Variants in PDE6C observed in about 807,000 individuals in gnomAD.
PDE6C encodes phosphodiesterase 6C, also known as cone cGMP-specific 3',5'-cyclic phosphodiesterase subunit alpha'.
A neutral mutation model predicts 113.1 loss-of-function variants in PDE6C; 75 were observed. That is an observed-to-expected ratio of 0.66 (90% confidence interval 0.55 to 0.80). The LOEUF (loss-of-function observed/expected upper bound fraction) is 0.80. Ranked by LOEUF, PDE6C falls within the 30% of genes least tolerant of loss-of-function variation. The probability of loss-of-function intolerance (pLI) is 0.00; values close to 1 mark genes in which losing one functional copy is unlikely to be tolerated. For synonymous variants in PDE6C, 375 were observed against 363.7 expected, an observed-to-expected ratio of 1.03 and a Z score of -0.35; for missense variants, 912 against 1,038.6, an observed-to-expected ratio of 0.88 and a Z score of 1.67.
At chr10:93,654,647 C>A (rs1010525044) in intron 15 of PDE6C, among the ~76,000 whole-genome samples, 2 of 152,076 alleles carry the variant, frequency 1.3e-5, no homozygotes, top group Non-Finnish European at 2.9e-5. Context: ...CTGTCAAATT[C>A]ATTTGGCAAA....
intron 8 of PDE6C, among the ~76,000 whole-genome samples, chr10:93,631,714 C>G (rs1297387871): frequency 6.6e-6 from 1 of 152,212 alleles, no homozygotes; most frequent in Non-Finnish European, 1.5e-5. Flanking sequence ...TTCTGTCTCT[C>G]CCTGCTCAGG....
chr10:93,649,375 G>A (rs566029536), intron 15 of PDE6C, among the ~76,000 whole-genome samples: 2 of 152,062 alleles, frequency 1.3e-5, no homozygotes, highest in Non-Finnish European at 2.9e-5. Context: ...AAATTCAAAC[G>A]ATAGGAAAAC....
At chr10:93,626,946 G>T in intron 7 of PDE6C, 75 bp downstream of exon 7, 1 of 1,322,680 alleles carries the variant, frequency 7.6e-7, no homozygotes, top group South Asian at 1.2e-5. Flanking sequence ...AGATACAATT[G>T]TGAAAGCAAG....
At chr10:93,658,574 G>A (rs1471150559) in intron 16 of PDE6C, among the ~76,000 whole-genome samples, 1 of 152,140 alleles carries the variant, frequency 6.6e-6, no homozygotes, top group Non-Finnish European at 1.5e-5. Context: ...GTCTCCCAAA[G>A]TGCTGGGATT....
chr10:93,655,808 A>G lies in PDE6C; in HGVS notation c.1984A>G (p.Ile662Val), dbSNP rs752529153. ...NLNKRQFETV[I>V]HLFEVAIIAT... ...AAATAAGCGGCAGTTTGAAACAGTT[A>G]TTCATTTGTTCGAGGTCGCAATAAT... The change falls in exon 16 of 22, where the codon ATT becomes GTT. Residue 662 changes from isoleucine to valine, a missense_variant. Transcript: ENST00000371447. 5.6e-6 allele frequency: 9 copies of G among 1,610,272 alleles called. No individual in the cohort carries two copies.
At chr10:93,623,092 T>C (rs886987304) in intron 4 of PDE6C, among the ~76,000 whole-genome samples, 1 of 152,240 alleles carries the variant, frequency 6.6e-6, no homozygotes, top group African/African-American at 2.4e-5. Context: ...GTCTACCAGA[T>C]GCACTTTCTC....
At chr10:93,654,633 G>C (rs1324982349) in intron 15 of PDE6C, among the ~76,000 whole-genome samples, 1 of 151,898 alleles carries the variant, frequency 6.6e-6, no homozygotes, top group Non-Finnish European at 1.5e-5. Flanking sequence ...TCTGTATTTT[G>C]TAACTGTCAA....
chr10:93,628,240 A>ATT (rs111776347), intron 7 of PDE6C, among the ~76,000 whole-genome samples: 2 of 147,610 alleles, frequency 1.4e-5, no homozygotes, highest in African/African-American at 2.5e-5. Context: ...CCATTTGTTC[A>ATT]TTTTTTTTTT....
Position 93,620,757 on chromosome 10 carries a change from A to C in PDE6C, c.606A>C (p.Ala202=). Residue 202 remains alanine, a synonymous_variant, in exon 2 of 22, where the codon GCA becomes GCC. Transcript: ENST00000371447. ...AVIMAVNKVN[A]SEFSKQDEEV... ...TCATGGCAGTTAACAAAGTAAATGCATCTGAATTTTCCAAACAGGATGAAG... is the reference window on the plus strand; with the variant it reads ...TCATGGCAGTTAACAAAGTAAATGCCTCTGAATTTTCCAAACAGGATGAAG... 1 of 1,614,200 alleles carries C rather than the reference A, an allele frequency of 6.2e-7. No homozygotes were observed. The highest frequency in any genetic ancestry group is 8.5e-7 in the Non-Finnish European group (1 of 1,180,038).
intron 8 of PDE6C, among the ~76,000 whole-genome samples, chr10:93,632,105 A>AC (rs1384755712): frequency 5.8e-4 from 88 of 152,270 alleles, no homozygotes; most frequent in African/African-American, 2.0e-3. Flanking sequence ...AGCCAGCAGC[A>AC]CCATCACTCT....
intron 20 of PDE6C, 48 bp from the exon 21 acceptor site, chr10:93,662,980 A>G: frequency 6.6e-7 from 1 of 1,526,670 alleles, no homozygotes; most frequent in Non-Finnish European, 9.0e-7. Context: ...AAGATCCTGA[A>G]AATTAACTGT....
rs202016434 is a variant in PDE6C at position 93,626,807 on chromosome 10, C to T, written c.1007C>T (p.Thr336Met). ...HGKEEIKVIP[T>M]PPADHWTLIS... The stretch of plus-strand genomic sequence containing the variant: ...TTTTTTTTCTTCTCTTCCCCAAGGA[C>T]GCCTCCTGCAGACCACTGGACACTC... Residue 336 changes from threonine (T) to methionine (M), a missense_variant and splice_region_variant, in exon 7 of 22, where the codon ACG becomes ATG. Physicochemically the swap from Thr to Met is moderately conservative, Grantham distance 81 (BLOSUM62 -1). Coordinates refer to ENST00000371447, the MANE Select transcript of PDE6C (RefSeq NM_006204.4). 1.4e-4 allele frequency: 222 copies of T among 1,613,652 alleles called. 1 individual carries two copies. The Admixed American group carries it at 2.7e-3, about 20-fold the overall frequency.
At chr10:93,614,460 G>T (rs1232716406) in intron 1 of PDE6C, among the ~76,000 whole-genome samples, 1 of 152,178 alleles carries the variant, frequency 6.6e-6, no homozygotes, top group Non-Finnish European at 1.5e-5. Flanking sequence ...CCTGACTGCA[G>T]CTGCTTCAAG....
chr10:93,628,583 C>G (rs767617168), intron 7 of PDE6C, among the ~76,000 whole-genome samples: 1 of 152,024 alleles, frequency 6.6e-6, no homozygotes, highest in Admixed American at 6.5e-5. Context: ...AAAACTCCAT[C>G]TCATAAAATA....
At chr10:93,629,385 G>A (rs1345099605) in intron 8 of PDE6C, 80 bp downstream of exon 8, 1 of 1,023,678 alleles carries the variant, frequency 9.8e-7, no homozygotes, top group Admixed American at 1.7e-5. Flanking sequence ...TCCACCCCCA[G>A]AGTCCGCCTG....
chr10:93,627,024 AG>A, intron 7 of PDE6C, among the ~76,000 whole-genome samples, 153 bp downstream of exon 7: 1 of 152,288 alleles, frequency 6.6e-6, no homozygotes, highest in South Asian at 2.1e-4. Context: ...GCACTTTGGG[AG>A]GCTGAGGCGG....
chr10:93,647,253 C>T (rs1053528230), intron 15 of PDE6C, among the ~76,000 whole-genome samples: 2 of 152,156 alleles, frequency 1.3e-5, no homozygotes, highest in African/African-American at 2.4e-5. Context: ...TTCAGAATCA[C>T]ATGCTTCATT....
Position 93,665,386 on chromosome 10 carries a change from G to A in PDE6C, c.2545G>A (p.Asp849Asn), listed in dbSNP as rs1468856351. Residue 849 changes from aspartate to asparagine, a missense_variant, in exon 22 of 22, where the codon GAC becomes AAC. Physicochemically the swap from Asp to Asn is conservative, Grantham distance 23. Transcript: ENST00000371447. ...TGCTGAAGATTCAGGAGGTGGTGAT[G>A]ACAAAAAGTCCAAAACATGTTTAAT... is the stretch of plus-strand genomic sequence containing the variant. ...KAAEDSGGGD[D>N]KKSKTCLML 1.2e-6 allele frequency: 2 copies of A among 1,610,406 alleles called. No homozygotes were observed. The highest frequency in any genetic ancestry group is 1.7e-6 in the Non-Finnish European group (2 of 1,176,802).
chr10:93,651,844 A>C (rs538635253), intron 15 of PDE6C, among the ~76,000 whole-genome samples: 1 of 152,158 alleles, frequency 6.6e-6, no homozygotes, highest in Non-Finnish European at 1.5e-5. Flanking sequence ...CTTCTCCATC[A>C]ACTCCTCTTT....
Sources: gnomAD v4.1 joint callset for allele counts (sites outside exome capture counted in the v4.1 genomes callset) on GRCh38, gnomAD v4.1.1 for gene constraint, MANE v1.5 for transcripts, NCBI Gene and HGNC (gene_info 2026-07-23, HGNC 2026-07-21) for gene names.